PSD3: variants seen among roughly 807,000 people sequenced by gnomAD.
The protein encoded by PSD3 is PH and SEC7 domain-containing protein 3.
In PSD3, 49 loss-of-function variants were observed where a neutral mutation model predicts 105.5. That is an observed-to-expected ratio of 0.46 (90% confidence interval 0.37 to 0.59). PSD3 has a LOEUF of 0.59. Among genes scored for constraint, PSD3 ranks in the 20% least tolerant of loss-of-function variants. The probability of loss-of-function intolerance (pLI) is 0.00; values close to 1 mark genes in which losing one functional copy is unlikely to be tolerated. For synonymous variants in PSD3, 557 were observed against 457.8 expected (o/e 1.22, Z -2.77); for missense variants, 1,561 against 1,263.8 (o/e 1.24, Z -3.57).
intron 2 of PSD3, among the ~76,000 whole-genome samples, chr8:18,926,516 A>G (rs1313560857): frequency 2.6e-5 from 4 of 152,158 alleles, no homozygotes; most frequent in Non-Finnish European, 5.9e-5. Flanking sequence ...TAAGCACAGG[A>G]AAAGATGCTC....
At chr8:18,917,805 G>A (rs1360189198) in intron 2 of PSD3, among the ~76,000 whole-genome samples, 2 of 152,138 alleles carry the variant, frequency 1.3e-5, no homozygotes, top group East Asian at 3.9e-4. Flanking sequence ...GCCCAAAGTA[G>A]CCAGGACCTG....
chr8:18,894,619 A>T (rs1819019670), intron 2 of PSD3, among the ~76,000 whole-genome samples: 1 of 152,228 alleles, frequency 6.6e-6, no homozygotes, highest in African/African-American at 2.4e-5. Flanking sequence ...GATGAAAGCA[A>T]GATAACTGTA....
At chr8:18,908,374 C>T (rs1392742841) in intron 2 of PSD3, among the ~76,000 whole-genome samples, 1 of 152,198 alleles carries the variant, frequency 6.6e-6, no homozygotes, top group Non-Finnish European at 1.5e-5. Flanking sequence ...CAATAATCTA[C>T]TATCCTCCAC....
intron 4 of PSD3, among the ~76,000 whole-genome samples, chr8:18,856,921 C>T (rs4295703): frequency 0.046 from 7,029 of 151,664 alleles, 196 homozygotes; most frequent in Admixed American, 0.085. Context: ...TGATTATGTG[C>T]CAGTAAATGA....
At chr8:18,605,635 G>T (rs1335471345) in intron 11 of PSD3, among the ~76,000 whole-genome samples, 1 of 152,146 alleles carries the variant, frequency 6.6e-6, no homozygotes, top group Non-Finnish European at 1.5e-5. Context: ...GGGGCCTGGG[G>T]CGGAATGATA....
At chr8:18,917,566 A>G (rs1820705812) in intron 2 of PSD3, among the ~76,000 whole-genome samples, 3 of 152,206 alleles carry the variant, frequency 2.0e-5, no homozygotes, top group Admixed American at 6.5e-5. Context: ...TGATAACATA[A>G]TTAGTTTTGT....
chr8:19,014,963 C>T (rs1827129455), upstream of PSD3, among the ~76,000 whole-genome samples: 1 of 152,192 alleles, frequency 6.6e-6, no homozygotes, highest in Non-Finnish European at 1.5e-5. This position sits in a 1 kb window ranked among gnomAD's most constrained non-coding sequence, Gnocchi z 4.9. Context: ...AGCTCATGCT[C>T]CCCCTGCCAG....
intron 8 of PSD3, among the ~76,000 whole-genome samples, chr8:18,786,022 A>G (rs947856136): frequency 6.6e-6 from 1 of 152,210 alleles, no homozygotes; most frequent in South Asian, 2.1e-4. Context: ...AGTGTAATAA[A>G]GCAAAGGACA....
chr8:18,555,906 C>T (rs778996998), intron 15 of PSD3, among the ~76,000 whole-genome samples: 5 of 152,214 alleles, frequency 3.3e-5, no homozygotes, highest in Non-Finnish European at 7.3e-5. Context: ...AAGCAGCTGT[C>T]CACCCTGGTG....
intron 2 of PSD3, among the ~76,000 whole-genome samples, chr8:18,885,233 A>C (rs1001466282): frequency 2.6e-5 from 4 of 152,176 alleles, no homozygotes; most frequent in Non-Finnish European, 5.9e-5. Flanking sequence ...TGGGGAATCC[A>C]TACTTTTAAA....
chr8:18,898,023 T>A (rs1450977723), intron 2 of PSD3, among the ~76,000 whole-genome samples: 1 of 152,210 alleles, frequency 6.6e-6, no homozygotes, highest in Admixed American at 6.5e-5. Flanking sequence ...GAGGAAAAGT[T>A]TGCAGCTTTC....
chr8:18,666,115 A>G (rs932996221), intron 9 of PSD3, among the ~76,000 whole-genome samples: 5 of 152,106 alleles, frequency 3.3e-5, no homozygotes, highest in African/African-American at 1.2e-4. Flanking sequence ...GTGTGGCACG[A>G]TCTCCACTTA....
At chr8:18,916,302 AT>A in intron 2 of PSD3, among the ~76,000 whole-genome samples, 1 of 570 alleles carries the variant, frequency 1.8e-3, no homozygotes, top group African/African-American at 0.011. Context: ...AAAGTGATAT[AT>A]ATATATATAT....
At chr8:18,682,026 T>G (rs1364042905) in intron 9 of PSD3, among the ~76,000 whole-genome samples, 2 of 151,078 alleles carry the variant, frequency 1.3e-5, no homozygotes, top group African/African-American at 4.9e-5. Flanking sequence ...AAAAAGTGCT[T>G]GGCCTTCTCT....
At chr8:18,811,945 T>C (rs1460271327) in intron 4 of PSD3, among the ~76,000 whole-genome samples, 1 of 152,174 alleles carries the variant, frequency 6.6e-6, no homozygotes, top group Non-Finnish European at 1.5e-5. Context: ...CCCAACAATT[T>C]ACAGTCATTT....
intron 8 of PSD3, among the ~76,000 whole-genome samples, chr8:18,770,018 A>T (rs1807364446): frequency 6.6e-6 from 1 of 152,178 alleles, no homozygotes; most frequent in South Asian, 2.1e-4. Flanking sequence ...ATTGAGTCCT[A>T]TGGTAATCTT....
intron 8 of PSD3, among the ~76,000 whole-genome samples, chr8:18,766,870 A>G (rs1807044885): frequency 6.6e-6 from 1 of 152,196 alleles, no homozygotes; most frequent in African/African-American, 2.4e-5. Context: ...TATAGGAGAG[A>G]AACCCTAACC....
chr8:18,833,531 A>C (rs144834765), intron 4 of PSD3, among the ~76,000 whole-genome samples: 72 of 152,320 alleles, frequency 4.7e-4, no homozygotes, highest in Middle Eastern at 3.4e-3. Context: ...AAGACTGATA[A>C]ATGAGTGAAA....
chr8:18,591,329 G>A (rs186614310), intron 12 of PSD3, among the ~76,000 whole-genome samples: 45 of 152,226 alleles, frequency 3.0e-4, no homozygotes, highest in African/African-American at 9.9e-4. Context: ...GCTTAATCTT[G>A]GTTCAATTGG....
Sources: gnomAD v4.1 joint callset for allele counts (sites outside exome capture counted in the v4.1 genomes callset) on GRCh38, gnomAD v4.1.1 for gene constraint, Gnocchi (gnomAD v3.1) non-coding constraint, MANE v1.5 for transcripts, NCBI Gene and HGNC (gene_info 2026-07-23, HGNC 2026-07-21) for gene names.